RIDA: variants seen among roughly 807,000 people sequenced by gnomAD.
The protein encoded by RIDA is 2-iminobutanoate/2-iminopropanoate deaminase.
Under a neutral mutation model 17.8 loss-of-function variants are expected in RIDA, and 17 were observed. The ratio of observed to expected loss-of-function variants is 0.96; its 90% CI spans 0.65 to 1.43. The LOEUF (loss-of-function observed/expected upper bound fraction) is 1.43, where lower values mean the gene tolerates loss of function less well. Among genes scored for constraint, RIDA ranks in the 40% most tolerant of loss-of-function variants. The pLI is 0.00. For missense variants in RIDA, 158 were observed against 161.7 expected, an observed-to-expected ratio of 0.98 and a Z score of 0.12; for synonymous variants, 48 against 55.7, an observed-to-expected ratio of 0.86 and a Z score of 0.62.
At chr8:98,104,460 T>G (rs1815606632) in intron 5 of RIDA, 29 bp downstream of exon 5, 1 of 1,357,656 alleles carries the variant, frequency 7.4e-7, no homozygotes, top group Non-Finnish European at 1.1e-6. Context: ...CTGAAAACTG[T>G]GTACATTAGT....
chr8:98,108,567 C>A (rs1424357782), intron 2 of RIDA, 79 bp downstream of exon 2: 9 of 824,766 alleles, frequency 1.1e-5, no homozygotes, highest in Non-Finnish European at 1.6e-5. Context: ...TAAAACAAAT[C>A]AGGCAAGTGG....
Position 98,102,563 on chromosome 8 carries a change from A to C in RIDA, c.*279T>G. On this transcript the variant is annotated 3_prime_UTR_variant, in exon 6 of 6. Coordinates refer to ENST00000254878, the MANE Select transcript of RIDA (RefSeq NM_005836.3). Reference sequence around the variant, plus strand: ...TAGTAACTCTTCTTTCCTACCTGGTATTTCTCTTTTGTTTACTGAGTAACT... The same window carrying C: ...TAGTAACTCTTCTTTCCTACCTGGTCTTTCTCTTTTGTTTACTGAGTAACT... The C allele has an allele frequency of 4.0e-6, 1 of 252,874 alleles. No homozygotes were observed. The highest frequency in any genetic ancestry group is 7.5e-6 in the Non-Finnish European group (1 of 133,812). The allele number at this position is 252,874 out of a possible 1,614,324, so 15.7% of individuals were successfully genotyped here.
rs554533217 is a variant in RIDA at position 98,103,232 on chromosome 8, C to A, written c.352-328G>T. 7.6e-4 allele frequency among the ~76,000 whole-genome samples: 115 copies of A among 152,304 alleles called. 2 individuals carry two copies. The highest frequency in any genetic ancestry group is 2.7e-3 in the African/African-American group (111 of 41,582). ...CACAAGCTAGATAGCAGAGGTTGAA[C>A]CCTTGTCTTGTGATTCCAAGTTCAG... On this transcript the variant is annotated intron_variant, in intron 5 of 5. Transcript: ENST00000254878.
At chr8:98,105,237 C>A (rs778901726) in intron 4 of RIDA, among the ~76,000 whole-genome samples, 2 of 149,594 alleles carry the variant, frequency 1.3e-5, no homozygotes, top group African/African-American at 4.9e-5. Flanking sequence ...AAATAGGGAA[C>A]AAGTGCCCAT....
chr8:98,104,298 G>A (rs548999648), intron 5 of RIDA, among the ~76,000 whole-genome samples, 191 bp downstream of exon 5: 8 of 151,984 alleles, frequency 5.3e-5, no homozygotes, highest in Non-Finnish European at 1.0e-4. Context: ...TGTTGCCCAG[G>A]CTGGTCTAGA....
intron 1 of RIDA, among the ~76,000 whole-genome samples, chr8:98,112,328 C>T (rs1324507869): frequency 2.0e-5 from 3 of 152,072 alleles, no homozygotes; most frequent in African/African-American, 7.2e-5. Flanking sequence ...GTAACTCATC[C>T]TGTTATTATC....
At position 98,104,511 on chromosome 8, in the gene RIDA, T is replaced by C; in HGVS notation, c.329A>G (p.Tyr110Cys). 6.3e-7 allele frequency: 1 copy of C among 1,594,322 alleles called. No homozygotes were observed. Among genetic ancestry groups the C allele is most frequent in the South Asian group, 1.1e-5 (1 of 90,406 alleles). ...FKSNFPARAA[Y>C]QVAALPKGSR... ...TACTTTGGGTAAAGCAGCAACTTGGTAAGCAGCTCTAGCAGGAAAATTACT... is the reference window on the plus strand; with the variant it reads ...TACTTTGGGTAAAGCAGCAACTTGGCAAGCAGCTCTAGCAGGAAAATTACT... The change falls in exon 5 of 6, where the codon TAC becomes TGC. Residue 110 changes from tyrosine (Y) to cysteine (C), a missense_variant. Coordinates refer to ENST00000254878, the MANE Select transcript of RIDA (RefSeq NM_005836.3).
intron 5 of RIDA, among the ~76,000 whole-genome samples, chr8:98,103,232 C>T (rs554533217): frequency 3.9e-5 from 6 of 152,186 alleles, no homozygotes; most frequent in Non-Finnish European, 7.3e-5. Flanking sequence ...AGAGGTTGAA[C>T]CCTTGTCTTG....
intron 1 of RIDA, among the ~76,000 whole-genome samples, chr8:98,111,849 G>A (rs1335971527): frequency 6.6e-6 from 1 of 151,654 alleles, no homozygotes; most frequent in African/African-American, 2.4e-5. Flanking sequence ...AATACACAAA[G>A]AATTGCAGTG....
chr8:98,103,884 C>A (rs909583781), intron 5 of RIDA, among the ~76,000 whole-genome samples: 1 of 151,990 alleles, frequency 6.6e-6, no homozygotes, highest in African/African-American at 2.4e-5. Context: ...GTGATCCGCC[C>A]GCCTCGGCCT....
chr8:98,114,619 C>T (rs1189739944), intron 1 of RIDA, among the ~76,000 whole-genome samples: 22 of 152,034 alleles, frequency 1.4e-4, no homozygotes, highest in Admixed American at 1.4e-3. Flanking sequence ...CAGGTGTGAA[C>T]CACTGTGCCT....
chr8:98,113,834 T>C (rs1815762427), intron 1 of RIDA: 1 of 152,186 alleles, frequency 6.6e-6, no homozygotes, highest in Non-Finnish European at 1.5e-5. Flanking sequence ...CACTGTGTGA[T>C]TGAGAGAAAG....
At chr8:98,105,880 G>C in intron 4 of RIDA, 58 bp downstream of exon 4, 1 of 1,030,344 alleles carries the variant, frequency 9.7e-7, no homozygotes, top group Non-Finnish European at 1.5e-6. Context: ...ATTCATTAAT[G>C]TGACCAGATT....
chr8:98,103,785 C>T (rs1470687771), intron 5 of RIDA, among the ~76,000 whole-genome samples: 7 of 152,044 alleles, frequency 4.6e-5, no homozygotes, highest in East Asian at 1.9e-4. Context: ...TACAGGCGTC[C>T]GCCACCACAC....
At chr8:98,103,099 A>G (rs1466690550) in intron 5 of RIDA, among the ~76,000 whole-genome samples, 195 bp from the exon 6 acceptor site, 1 of 152,238 alleles carries the variant, frequency 6.6e-6, no homozygotes, top group East Asian at 1.9e-4. Context: ...TTCATATACT[A>G]TATTAGCTTA....
At chr8:98,111,054 C>A (rs1363837417) in intron 1 of RIDA, among the ~76,000 whole-genome samples, 1 of 152,148 alleles carries the variant, frequency 6.6e-6, no homozygotes, top group East Asian at 1.9e-4. Flanking sequence ...CGGGTTGTAT[C>A]TTTATAGCAG....
intron 1 of RIDA, among the ~76,000 whole-genome samples, chr8:98,114,227 G>GA (rs1255626898): frequency 6.6e-6 from 1 of 151,010 alleles, no homozygotes; most frequent in Admixed American, 6.6e-5. Flanking sequence ...ACAACCACAA[G>GA]AAAAAAACCA....
At chr8:98,114,285 A>AT in intron 1 of RIDA, among the ~76,000 whole-genome samples, 1 of 151,934 alleles carries the variant, frequency 6.6e-6, no homozygotes. Flanking sequence ...ATATTCTTCC[A>AT]TTTAGTATTG....
intron 1 of RIDA, among the ~76,000 whole-genome samples, chr8:98,115,612 A>G (rs1815801567): frequency 6.6e-6 from 1 of 151,290 alleles, no homozygotes; most frequent in African/African-American, 2.4e-5. Context: ...GCTGGTCTTG[A>G]ACTCCTGACC....
Sources: allele counts gnomAD v4.1 joint callset (sites outside exome capture counted in the v4.1 genomes callset), GRCh38; gene constraint gnomAD v4.1.1; transcripts MANE v1.5; gene names NCBI Gene and HGNC (gene_info 2026-07-23, HGNC 2026-07-21).